SCNN1A: variants seen among roughly 807,000 people sequenced by gnomAD.
SCNN1A encodes the protein epithelial sodium channel subunit alpha.
In SCNN1A, 65 loss-of-function variants were observed where a neutral mutation model predicts 68.6. The observed-to-expected ratio is 0.95, with a 90% CI of 0.78 to 1.16. SCNN1A has a LOEUF of 1.16. SCNN1A is among the 50% of genes most tolerant of loss of function. SCNN1A has a pLI of 0.00. For missense variants in SCNN1A, 880 were observed against 865.9 expected (o/e 1.02, Z -0.20); for synonymous variants, 357 against 353.3 (o/e 1.01, Z -0.12).
At chr12:6,375,221 G>C in intron 1 of SCNN1A, 7 of 1,441,670 alleles carry the variant, frequency 4.9e-6, no homozygotes, top group Non-Finnish European at 6.3e-6. Flanking sequence ...TCTGCCTTCT[G>C]TTTCTCTTTG....
intron 8 of SCNN1A, among the ~76,000 whole-genome samples, chr12:6,353,327 C>T (rs1948422111): frequency 6.6e-6 from 1 of 152,062 alleles, no homozygotes; most frequent in African/African-American, 2.4e-5. Context: ...TTCTAAAGCA[C>T]ATAAGATGGA....
chr12:6,356,028 G>A (rs1320037469), intron 4 of SCNN1A, 148 bp from the exon 5 acceptor site: 17 of 725,506 alleles, frequency 2.3e-5, no homozygotes, highest in Non-Finnish European at 4.3e-5. Flanking sequence ...CACCTACTAT[G>A]TGCTGGCACA....
chr12:6,375,187 C>T (rs1203160406), intron 1 of SCNN1A: 1 of 1,451,696 alleles, frequency 6.9e-7, no homozygotes, highest in African/African-American at 1.4e-5. Flanking sequence ...TGTGTCTCAG[C>T]TCCTGCCTCT....
intron 8 of SCNN1A, among the ~76,000 whole-genome samples, chr12:6,352,560 ATT>A (rs1948405579): frequency 6.6e-6 from 1 of 152,188 alleles, no homozygotes; most frequent in Non-Finnish European, 1.5e-5. Context: ...AGAAATAATT[ATT>A]TGAGGGGAGG....
At chr12:6,375,299 C>G (rs62624478) in intron 1 of SCNN1A, 150 of 1,438,524 alleles carry the variant, frequency 1.0e-4, no homozygotes, top group South Asian at 3.6e-4. Flanking sequence ...CCTCTCCCCC[C>G]CTTGCCTTGC....
chr12:6,348,797 C>T lies in SCNN1A; in HGVS notation c.1559G>A (p.Gly520Glu), dbSNP rs72657550. The T allele has an allele frequency of 6.2e-7, 1 of 1,613,626 alleles. No homozygotes were observed. Among genetic ancestry groups the T allele is most frequent in the Non-Finnish European group, 8.5e-7 (1 of 1,179,910 alleles). Residue 520 changes from glycine (G) to glutamate (E), a missense_variant, in exon 12 of 13, where the codon GGA becomes GAA. Coordinates refer to ENST00000228916, the MANE Select transcript of SCNN1A (RefSeq NM_001038.6). ...NNYTVNNKRNGVAKVNIFFKE... is the reference protein window; with the variant it reads ...NNYTVNNKRNEVAKVNIFFKE... ...GAAGAAGATGTTGACTTTGGCCACT[C>T]CATTTCTTAGGTGTGGGGCAGAGGG...
rs72657555 is a variant in SCNN1A at position 6,349,279 on chromosome 12, G to C, written c.1439+48C>G. On this transcript the variant is annotated intron_variant, in intron 9 of 12. Transcript: ENST00000228916. ...CAGAGCTCTCCCAAATGCTTGGCTC[G>C]GTAACCTGTATTCTACCCAACCTGT... 1,403 of 1,612,936 alleles carry C rather than the reference G, an allele frequency of 8.7e-4. 14 individuals are homozygous for C. In the African/African-American group the frequency reaches 0.017, roughly 19 times the overall value.
intron 2 of SCNN1A, among the ~76,000 whole-genome samples, chr12:6,370,694 G>A (rs78796130): frequency 0.026 from 4,026 of 152,266 alleles, 117 homozygotes; most frequent in East Asian, 0.092. Flanking sequence ...GGGTCTGCCC[G>A]CCACGTCTGG....
In SCNN1A at chr12:6,349,147, C is replaced by A. The variant is rs761622832; in HGVS notation, c.1497+17G>T. ...TGGGCACACACATCCCCCACCCATC[C>A]CTTCCCCACACTCTACCTGGGATGT... is the stretch of plus-strand genomic sequence containing the variant. On this transcript the variant is annotated intron_variant, in intron 10 of 12. Coordinates refer to ENST00000228916, the MANE Select transcript of SCNN1A (RefSeq NM_001038.6). The A allele has an allele frequency of 3.1e-5, 50 of 1,613,126 alleles. No homozygotes were observed. The Middle Eastern group carries it at 5.1e-4, about 16-fold the overall frequency.
chr12:6,361,918 T>C, intron 4 of SCNN1A, 133 bp downstream of exon 4: 1 of 985,760 alleles, frequency 1.0e-6, no homozygotes, highest in Non-Finnish European at 1.6e-6. Context: ...AAGCCAGTGC[T>C]TCCCCCTGGC....
intron 10 of SCNN1A, 59 bp downstream of exon 10, chr12:6,349,105 A>T: frequency 6.2e-7 from 1 of 1,603,146 alleles, no homozygotes; most frequent in Non-Finnish European, 8.5e-7. Context: ...ATACCCAGAG[A>T]AGGCCACAGC....
At chr12:6,369,905 A>G (rs368053441) in intron 2 of SCNN1A, among the ~76,000 whole-genome samples, 83 of 152,122 alleles carry the variant, frequency 5.5e-4, no homozygotes, top group African/African-American at 1.9e-3. Context: ...AGCAGGAGGC[A>G]GAGCCTTTGA....
At position 6,354,843 on chromosome 12, in the gene SCNN1A, G is replaced by C. The variant is rs769075036; in HGVS notation, c.1149C>G (p.Thr383=). The change falls in exon 7 of 13, where the codon ACC becomes ACG. Residue 383 remains threonine, a synonymous_variant. Transcript: ENST00000228916. The stretch of plus-strand genomic sequence containing the variant: ...CATAATCGCCCCCAAGTCTGTCCAG[G>C]GTTTCCTATGAACCCACATACACCA... ...VETSISMRKE[T]LDRLGGDYGD... 3.7e-6 allele frequency: 6 copies of C among 1,613,326 alleles called. No homozygotes were observed.
At chr12:6,369,376 G>GCCAC (rs1206838851) in intron 2 of SCNN1A, among the ~76,000 whole-genome samples, 13 of 145,732 alleles carry the variant, frequency 8.9e-5, no homozygotes, top group African/African-American at 1.8e-4. Context: ...CCTCCCTCCT[G>GCCAC]CCTGGCCTCA....
Position 6,374,038 on chromosome 12 carries a change from C to T in SCNN1A, c.416+330G>A, listed in dbSNP as rs1032680172. On this transcript the variant is annotated intron_variant, in intron 2 of 12. Transcript: ENST00000228916. This position sits in a 1 kb window ranked among gnomAD's most constrained non-coding sequence, Gnocchi z 6.2. ...GCTCCAGAAAAGGGATGCAGCTGAG[C>T]ACACCCCTGCCCTTTTGCAAGCACT... Among the ~76,000 whole-genome samples, 5 of 152,188 alleles carry T rather than the reference C, an allele frequency of 3.3e-5. No homozygotes were observed. Among genetic ancestry groups the T allele is most frequent in the Admixed American group, 6.5e-5 (1 of 15,274 alleles).
At chr12:6,375,775 G>C, upstream of SCNN1A, 2 of 1,404,420 alleles carry the variant, frequency 1.4e-6, no homozygotes, top group Non-Finnish European at 1.8e-6. Context: ...GAGGGGCAAA[G>C]ATCTGAACAA....
chr12:6,373,424 C>T (rs1025637888), intron 2 of SCNN1A, among the ~76,000 whole-genome samples: 5 of 152,208 alleles, frequency 3.3e-5, no homozygotes, highest in Non-Finnish European at 7.3e-5. Context: ...TCTGTCTCCA[C>T]AACACAGCAA....
upstream of SCNN1A, chr12:6,377,333 C>T (rs1948929040): frequency 2.9e-6 from 4 of 1,393,828 alleles, no homozygotes; most frequent in South Asian, 1.3e-5. Flanking sequence ...CTGACCCTTC[C>T]CAAGGATAAA....
intron 2 of SCNN1A, among the ~76,000 whole-genome samples, chr12:6,369,833 CAAAAAA>C (rs397850777): frequency 1.1e-5 from 1 of 93,630 alleles, no homozygotes. Flanking sequence ...GACTCTGTCT[CAAAAAA>C]AAAAAAAAAA....
Sources: gnomAD v4.1 joint callset for allele counts (sites outside exome capture counted in the v4.1 genomes callset) on GRCh38, gnomAD v4.1.1 for gene constraint, Gnocchi (gnomAD v3.1) non-coding constraint, MANE v1.5 for transcripts, NCBI Gene and HGNC (gene_info 2026-07-23, HGNC 2026-07-21) for gene names.